The following SCN4A variants were observed in gnomAD, a reference collection of about 807,000 sequenced individuals.
The protein encoded by SCN4A is sodium channel protein type 4 subunit alpha.
Under a neutral mutation model 162.0 loss-of-function variants are expected in SCN4A, and 83 were observed. That is an observed-to-expected ratio of 0.51 (90% CI 0.43 to 0.61). The LOEUF (loss-of-function observed/expected upper bound fraction) is 0.61. SCN4A is among the 20% of genes least tolerant of loss of function. The probability of loss-of-function intolerance (pLI) is 0.00; values close to 1 mark genes in which losing one functional copy is unlikely to be tolerated. For missense variants in SCN4A, 2,196 were observed against 2,462.5 expected (o/e 0.89, Z 2.29); for synonymous variants, 944 against 985.1 (o/e 0.96, Z 0.78).
Position 63,961,315 on chromosome 17 carries a change from C to T in SCN4A, c.1723G>A (p.Val575Ile), listed in dbSNP as rs1162227213. 2 of 1,613,750 alleles carry T rather than the reference C, an allele frequency of 1.2e-6. No individual in the cohort carries two copies. Among genetic ancestry groups the T allele is most frequent in the Admixed American group, 1.7e-5 (1 of 60,006 alleles). Reference protein sequence around the residue: ...LKFKNIIHLIVMDPFVDLGIT... With the variant: ...LKFKNIIHLIIMDPFVDLGIT... ...CCCAGGTCCACGAACGGGTCCATGA[C>T]GATCAGGTGGATGATGTTCTTGAAC... The change falls in exon 11 of 24, where the codon GTC (valine) becomes ATC (isoleucine). Residue 575 changes from valine to isoleucine, a missense_variant. Physicochemically the swap from Val to Ile is conservative, Grantham distance 29. Coordinates refer to ENST00000435607, the MANE Select transcript of SCN4A (RefSeq NM_000334.4).
chr17:63,972,523 A>G lies in SCN4A; in HGVS notation c.273+46T>C, dbSNP rs1909645949. 6.2e-7 allele frequency: 1 copy of G among 1,602,832 alleles called. No individual in the cohort carries two copies. Among genetic ancestry groups the G allele is most frequent in the African/African-American group, 1.3e-5 (1 of 74,660 alleles). On this transcript the variant is annotated intron_variant, in intron 1 of 23. Transcript: ENST00000435607. The surrounding 1 kb of genome is among the most constrained non-coding windows in gnomAD (Gnocchi z 4.3). ...CAGGGACAGACAGACAGGCAGACAG[A>G]TGGATGGATGGCAGACAGACAGAGG...
intron 6 of SCN4A, 47 bp downstream of exon 6, chr17:63,967,976 G>A: frequency 6.7e-7 from 1 of 1,482,180 alleles, no homozygotes; most frequent in Non-Finnish European, 9.4e-7. Flanking sequence ...GGCTACCCTA[G>A]GGACTGGGAC....
chr17:63,949,706 G>A, intron 14 of SCN4A, 178 bp from the exon 15 acceptor site: 1 of 670,390 alleles, frequency 1.5e-6, no homozygotes, highest in East Asian at 2.9e-5. Flanking sequence ...GACGTAGGTG[G>A]CCCTGGTCAT....
intron 12 of SCN4A, 125 bp downstream of exon 12, chr17:63,959,140 G>T: frequency 1.3e-6 from 1 of 750,512 alleles, no homozygotes; most frequent in Non-Finnish European, 2.2e-6. Context: ...TGTGCACAAG[G>T]CAGAGGAGGC....
intron 17 of SCN4A, 22 bp downstream of exon 17, chr17:63,947,868 G>C (rs1315494073): frequency 6.2e-7 from 1 of 1,611,182 alleles, no homozygotes; most frequent in Non-Finnish European, 8.5e-7. Flanking sequence ...TGTAGCTACG[G>C]GGCCAGCGTG....
At chr17:63,965,527 CGCCCAGGCTGGAGTGCAA>C (rs1215370801) in intron 8 of SCN4A, among the ~76,000 whole-genome samples, 37 of 150,584 alleles carry the variant, frequency 2.5e-4, no homozygotes, top group African/African-American at 8.8e-4. Flanking sequence ...CTCGCTCTGT[CGCCCAGGCTGGAGTGCAA>C]TGGCGTGGTC....
Position 63,968,081 on chromosome 17 carries a change from G to T in SCN4A, c.978C>A (p.Ser326Arg), listed in dbSNP as rs767496883. The part of the protein sequence containing the change: ...DSWYANDTWN[S>R]HASWATNDTF... The stretch of plus-strand genomic sequence containing the variant: ...TATCGTTGGTGGCCCAGCTTGCATG[G>T]CTGTTCCACGTGTCGTTGGCATACC... The change falls in exon 6 of 24, where the codon AGC becomes AGA. Residue 326 changes from serine (S) to arginine (R), a missense_variant. Physicochemically the swap from Ser to Arg is moderately radical, Grantham distance 110. Transcript: ENST00000435607. 10 of 1,613,968 alleles carry T rather than the reference G, an allele frequency of 6.2e-6. No individual in the cohort carries two copies. Among genetic ancestry groups the T allele is most frequent in the Non-Finnish European group, 8.5e-6 (10 of 1,179,904 alleles).
intron 12 of SCN4A, among the ~76,000 whole-genome samples, chr17:63,957,966 C>T (rs962132510): frequency 6.8e-6 from 1 of 147,038 alleles, no homozygotes; most frequent in Non-Finnish European, 1.5e-5. Flanking sequence ...GATTGCACCA[C>T]TGCACTCCAG....
chr17:63,955,917 T>G (rs35993844), intron 13 of SCN4A, among the ~76,000 whole-genome samples: 4,823 of 152,326 alleles, frequency 0.032, 106 homozygotes, highest in Non-Finnish European at 0.046. Flanking sequence ...TCCATAGGCC[T>G]TTGGGGAACA....
At chr17:63,942,260 TGTGTGTGTG>T (rs1567816677) in intron 23 of SCN4A, among the ~76,000 whole-genome samples, 21 of 70,286 alleles carry the variant, frequency 3.0e-4, no homozygotes, top group African/African-American at 6.9e-4. Context: ...ATGCCACTGG[TGTGTGTGTG>T]TGTGTGTGTG....
At chr17:63,954,536 G>T (rs550891302) in intron 13 of SCN4A, among the ~76,000 whole-genome samples, 125 of 152,280 alleles carry the variant, frequency 8.2e-4, no homozygotes, top group African/African-American at 2.9e-3. Context: ...TTCCCTGGGG[G>T]TTCTGTGCTT....
At chr17:63,970,123 C>T (rs1296685861) in intron 5 of SCN4A, among the ~76,000 whole-genome samples, 1 of 152,170 alleles carries the variant, frequency 6.6e-6, no homozygotes, top group Admixed American at 6.5e-5. Context: ...TTTGGAATTG[C>T]TCTGACCTTA....
intron 10 of SCN4A, among the ~76,000 whole-genome samples, chr17:63,962,901 G>A (rs996261912): frequency 6.6e-6 from 1 of 152,206 alleles, no homozygotes; most frequent in African/African-American, 2.4e-5. Context: ...TACAAGGTCA[G>A]GTGACATGGT....
In SCN4A at chr17:63,943,318, T is replaced by A. The variant is rs12949493; in HGVS notation, c.4018-222A>T. Among the ~76,000 whole-genome samples the A allele has an allele frequency of 0.027, 2,967 of 109,554 alleles. 36 individuals carry two copies. Among genetic ancestry groups the A allele is most frequent in the Non-Finnish European group, 0.042 (2,184 of 51,444 alleles). 71.9% of individuals were successfully genotyped at this position (109,554 alleles called of 152,430 possible). Reference sequence around the variant, plus strand: ...AGATCATGACAGGTCTGGGACCAGGTCATTTTATGGGGTTCATGGTCCTCC... The same window carrying A: ...AGATCATGACAGGTCTGGGACCAGGACATTTTATGGGGTTCATGGTCCTCC... On this transcript the variant is annotated intron_variant, in intron 22 of 23. Coordinates refer to ENST00000435607, the MANE Select transcript of SCN4A (RefSeq NM_000334.4).
chr17:63,943,062 G>A lies in SCN4A; in HGVS notation c.4052C>T (p.Thr1351Met), dbSNP rs545724550. 39 of 1,613,668 alleles carry A rather than the reference G, an allele frequency of 2.4e-5. No homozygotes were observed. Among genetic ancestry groups the A allele is most frequent in the Middle Eastern group, 1.6e-4 (1 of 6,084 alleles). The change falls in exon 23 of 24, where the codon ACG (threonine) becomes ATG (methionine). Residue 1351 changes from threonine to methionine, a missense_variant. Coordinates refer to ENST00000435607, the MANE Select transcript of SCN4A (RefSeq NM_000334.4). The part of the protein sequence containing the change: ...KIQGMVYDLV[T>M]KQAFDITIMI... ...GATGGTGATGTCGAAGGCCTGCTTC[G>A]TCACGAGGTCATACACCATGCCCTG...
intron 18 of SCN4A, 117 bp downstream of exon 18, chr17:63,946,928 C>T: frequency 9.3e-7 from 1 of 1,073,742 alleles, no homozygotes; most frequent in South Asian, 1.5e-5. Context: ...GCCGTGGGTC[C>T]AAGCTCTCTG....
Position 63,947,028 on chromosome 17 carries a change from G to A in SCN4A, c.3441+17C>T, listed in dbSNP as rs759549346. 8 of 1,599,054 alleles carry A rather than the reference G, an allele frequency of 5.0e-6. No individual in the cohort carries two copies. In the Admixed American group the frequency reaches 1.2e-4, roughly 24 times the overall value. On this transcript the variant is annotated intron_variant, in intron 18 of 23. Coordinates refer to ENST00000435607, the MANE Select transcript of SCN4A (RefSeq NM_000334.4). ...CCCCCATCCCCAGCCCACCCCAGAG[G>A]CCCCTTCAGCACCCACCCTCATGCC...
intron 12 of SCN4A, among the ~76,000 whole-genome samples, chr17:63,957,856 T>C (rs1227915451): frequency 1.3e-5 from 2 of 151,484 alleles, no homozygotes; most frequent in Non-Finnish European, 2.9e-5. Flanking sequence ...ATACAAAAAA[T>C]TAGTCGGGCA....
intron 12 of SCN4A, among the ~76,000 whole-genome samples, chr17:63,959,049 C>T (rs1351315281): frequency 6.6e-6 from 1 of 152,096 alleles, no homozygotes; most frequent in Admixed American, 6.5e-5. Context: ...TCACTTGGGT[C>T]CCCCCAGCAG....
Sources: gnomAD v4.1 joint callset for allele counts (sites outside exome capture counted in the v4.1 genomes callset) on GRCh38, gnomAD v4.1.1 for gene constraint, Gnocchi (gnomAD v3.1) non-coding constraint, MANE v1.5 for transcripts, NCBI Gene and HGNC (gene_info 2026-07-23, HGNC 2026-07-21) for gene names.